Variants in OAS2 observed in about 807,000 individuals in gnomAD.
The protein encoded by OAS2 is 2'-5'-oligoadenylate synthetase 2, also known as 2'-5'-oligoadenylate synthase 2.
OAS2 carries 67 observed loss-of-function variants against 71.3 expected under a neutral mutation model. That is an observed-to-expected ratio of 0.94 (90% CI 0.77 to 1.15). The LOEUF (loss-of-function observed/expected upper bound fraction) is 1.15, where lower values mean the gene tolerates loss of function less well. Ranked by LOEUF, OAS2 falls within the 50% of genes most tolerant of loss-of-function variation. OAS2 has a pLI of 0.00. For missense variants in OAS2, 789 were observed against 822.5 expected (o/e 0.96, Z 0.50); for synonymous variants, 327 against 321.8 (o/e 1.02, Z -0.17).
At chr12:112,984,362 C>A (rs1038482572) in intron 1 of OAS2, among the ~76,000 whole-genome samples, 1 of 152,124 alleles carries the variant, frequency 6.6e-6, no homozygotes, top group Admixed American at 6.6e-5. Context: ...TTAAAGTCTA[C>A]TCTGTCTGAT....
rs181708485 is a variant in OAS2, at chr12:112,997,174, C to T, written c.628-346C>T. ...TTTTATTGGGTTTTTTTTCACTGCT[C>T]CTGTAGACCCTGAACTACTGTATTT... On this transcript the variant is annotated intron_variant, in intron 3 of 9. Transcript: ENST00000392583. 2.6e-5 allele frequency among the ~76,000 whole-genome samples: 4 copies of T among 152,088 alleles called. No individual in the cohort carries two copies. The East Asian group carries it at 7.7e-4, about 29-fold the overall frequency.
chr12:112,990,250 G>T (rs1484250965), intron 2 of OAS2, among the ~76,000 whole-genome samples: 4 of 152,196 alleles, frequency 2.6e-5, no homozygotes, highest in African/African-American at 7.2e-5. Context: ...AGGTGATTAG[G>T]TTACAGCTTG....
At chr12:113,007,205 G>A (rs1326694733) in intron 8 of OAS2, among the ~76,000 whole-genome samples, 1 of 152,176 alleles carries the variant, frequency 6.6e-6, no homozygotes, top group Admixed American at 6.5e-5. Context: ...AGCTCTTCCT[G>A]AGATGCCTCC....
chr12:113,007,631 T>G, intron 8 of OAS2, 74 bp from the exon 9 acceptor site: 1 of 1,227,324 alleles, frequency 8.1e-7, no homozygotes, highest in Non-Finnish European at 1.2e-6. Context: ...TCAGTTGCCT[T>G]GCTGTGGTCC....
Position 113,005,020 on chromosome 12 carries a change from C to A in OAS2, c.1266C>A (p.Thr422=). 1 of 1,614,126 alleles carries A rather than the reference C, an allele frequency of 6.2e-7. No homozygotes were observed. The highest frequency in any genetic ancestry group is 8.5e-7 in the Non-Finnish European group (1 of 1,180,022). The change falls in exon 7 of 10, where the codon ACC becomes ACA. Residue 422 remains threonine (T), a synonymous_variant. Transcript: ENST00000392583. The part of the protein sequence containing the change: ...VVFHNSLKSY[T]SQKNERHKIV... Reference sequence around the variant, plus strand: ...TCCATAACTCACTTAAAAGCTACACCTCCCAAAAAAACGAGCGGCACAAAA... The same window carrying A: ...TCCATAACTCACTTAAAAGCTACACATCCCAAAAAAACGAGCGGCACAAAA...
At chr12:112,990,014 C>T (rs999454599) in intron 2 of OAS2, among the ~76,000 whole-genome samples, 1 of 152,180 alleles carries the variant, frequency 6.6e-6, no homozygotes, top group Non-Finnish European at 1.5e-5. Context: ...CAATGGCTTC[C>T]TAATTGTCTC....
chr12:113,010,700 T>C lies in OAS2; in HGVS notation c.*1445T>C, dbSNP rs1230693730. 1 of 459,872 alleles carries C rather than the reference T, an allele frequency of 2.2e-6. No individual in the cohort carries two copies. 28.5% of individuals were successfully genotyped at this position (459,872 alleles called of 1,614,324 possible). ...AAAATAGTTGCTGTCATCCACTTTA[T>C]GTGCATCTTATTTCTGTCAACTTGT... On this transcript the variant is annotated 3_prime_UTR_variant, in exon 10 of 10. Coordinates refer to ENST00000392583, the MANE Select transcript of OAS2 (RefSeq NM_002535.3).
In OAS2 at chr12:113,006,421, A is replaced by C. The variant is rs1224561053; in HGVS notation, c.1477A>C (p.Ser493Arg). 5 of 1,556,982 alleles carry C rather than the reference A, an allele frequency of 3.2e-6. No homozygotes were observed. Among genetic ancestry groups the C allele is most frequent in the Non-Finnish European group, 4.4e-6 (5 of 1,138,358 alleles). Residue 493 changes from serine (S) to arginine (R), a missense_variant, in exon 8 of 10, where the codon AGT becomes CGT. Physicochemically the swap from Ser to Arg is moderately radical, Grantham distance 110. Transcript: ENST00000392583. The part of the protein sequence containing the change: ...LPAFNALGQL[S>R]SGSTPSPEVY... ...TCTCTCCCTCATGCCAGGTCAGCTGAGTTCTGGCTCCACACCCAGCCCCGA... is the reference window on the plus strand; with the variant it reads ...TCTCTCCCTCATGCCAGGTCAGCTGCGTTCTGGCTCCACACCCAGCCCCGA...
chr12:113,009,063 A>G (rs377575068), intron 9 of OAS2, 24 bp from the exon 10 acceptor site: 3 of 1,606,084 alleles, frequency 1.9e-6, no homozygotes, highest in Non-Finnish European at 2.5e-6. Flanking sequence ...GGAATCTCCT[A>G]ATGCCTTCTA....
chr12:112,987,922 A>G (rs767189892), intron 2 of OAS2: 70 of 985,016 alleles, frequency 7.1e-5, no homozygotes, highest in Non-Finnish European at 7.6e-5. Context: ...ACATTCCCAC[A>G]CTCTTGCATA....
chr12:112,978,870 T>A lies in OAS2; in HGVS notation c.177+85T>A. The A allele has an allele frequency of 7.4e-7, 1 of 1,349,572 alleles. No homozygotes were observed. The highest frequency in any genetic ancestry group is 1.0e-6 in the Non-Finnish European group (1 of 988,730). 83.6% of individuals were successfully genotyped at this position (1,349,572 alleles called of 1,614,324 possible). On this transcript the variant is annotated intron_variant, in intron 1 of 9. Coordinates refer to ENST00000392583, the MANE Select transcript of OAS2 (RefSeq NM_002535.3). The surrounding 1 kb of genome is among the most constrained non-coding windows in gnomAD (Gnocchi z 4.2). ...GCCGAGCTACTGGGTGCTGGGTGCC[T>A]ATTATGTGCGAGGCCCACACTTGGG...
rs2044381372 is a variant in OAS2 at position 113,011,591 on chromosome 12, G to A, written c.*2336G>A. ...GCAGACATTCCAATGTACTAGGAAG[G>A]TAGCGCATCTTGATTCCACAGGGAC... is the stretch of plus-strand genomic sequence containing the variant. On this transcript the variant is annotated 3_prime_UTR_variant, in exon 10 of 10. Coordinates refer to ENST00000392583, the MANE Select transcript of OAS2 (RefSeq NM_002535.3). 6.6e-6 allele frequency: 1 copy of A among 152,246 alleles called. No homozygotes were observed. Among genetic ancestry groups the A allele is most frequent in the South Asian group, 2.1e-4 (1 of 4,830 alleles). The allele number at this position is 152,246 out of a possible 1,614,324, so 9.4% of individuals were successfully genotyped here. A position where few individuals can be genotyped will look rare whatever the true frequency, so the allele number is the denominator to read the frequency against.
intron 6 of OAS2, among the ~76,000 whole-genome samples, chr12:113,003,696 C>G (rs573828490): frequency 1.3e-5 from 2 of 152,188 alleles, no homozygotes; most frequent in Non-Finnish European, 2.9e-5. Flanking sequence ...CATTCTTGTC[C>G]GTGGCTCAAA....
At chr12:112,997,391 C>A in intron 3 of OAS2, 129 bp from the exon 4 acceptor site, 1 of 690,960 alleles carries the variant, frequency 1.4e-6, no homozygotes, top group Non-Finnish European at 2.4e-6. Flanking sequence ...TATTGTCAGT[C>A]CACTGAACTG....
chr12:112,980,353 C>T (rs1474399774), intron 1 of OAS2, among the ~76,000 whole-genome samples: 1 of 152,190 alleles, frequency 6.6e-6, no homozygotes, highest in Non-Finnish European at 1.5e-5. Context: ...TTTATCCCTT[C>T]TATCTAACTG....
intron 2 of OAS2, among the ~76,000 whole-genome samples, chr12:112,994,432 T>A (rs1468229799): frequency 6.6e-6 from 1 of 152,156 alleles, no homozygotes; most frequent in Non-Finnish European, 1.5e-5. Flanking sequence ...TATTTTTATT[T>A]TTATTTTGAG....
chr12:112,999,095 C>T (rs1225307100), intron 5 of OAS2, among the ~76,000 whole-genome samples: 1 of 152,204 alleles, frequency 6.6e-6, no homozygotes, highest in Non-Finnish European at 1.5e-5. Context: ...GAGCATTGCT[C>T]AGAGAAGGGG....
At chr12:112,981,584 A>G (rs546581911) in intron 1 of OAS2, among the ~76,000 whole-genome samples, 4 of 152,044 alleles carry the variant, frequency 2.6e-5, no homozygotes, top group Non-Finnish European at 5.9e-5. Context: ...GTCTGTTTTT[A>G]TACCAATCCC....
At chr12:112,989,367 T>C (rs1338072528) in intron 2 of OAS2, among the ~76,000 whole-genome samples, 1 of 152,194 alleles carries the variant, frequency 6.6e-6, no homozygotes, top group African/African-American at 2.4e-5. Flanking sequence ...GGTATGTCTT[T>C]ATTAACAGCA....
Sources: allele counts gnomAD v4.1 joint callset (sites outside exome capture counted in the v4.1 genomes callset), GRCh38; gene constraint gnomAD v4.1.1; non-coding constraint Gnocchi (gnomAD v3.1); transcripts MANE v1.5; gene names NCBI Gene and HGNC (gene_info 2026-07-23, HGNC 2026-07-21).